The following FMO5 variants were observed in gnomAD, a reference collection of about 807,000 sequenced individuals.
The protein encoded by FMO5 is flavin containing dimethylaniline monoxygenase 5.
In FMO5, 51 loss-of-function variants were observed where a neutral mutation model predicts 43.6. The observed-to-expected ratio is 1.17, with a 90% CI of 0.93 to 1.48. FMO5 has a LOEUF of 1.48. Among genes scored for constraint, FMO5 ranks in the 40% most tolerant of loss-of-function variants. The pLI is 0.00. For missense variants in FMO5, 644 were observed against 643.0 expected (o/e 1.00, Z -0.02); for synonymous variants, 187 against 216.5 (o/e 0.86, Z 1.20).
chr1:147,195,466 T>A (rs1657820085), intron 7 of FMO5, among the ~76,000 whole-genome samples: 1 of 152,072 alleles, frequency 6.6e-6, no homozygotes, highest in African/African-American at 2.4e-5. Flanking sequence ...ATGCCTAAAG[T>A]CCTGTGGAAG....
chr1:147,200,811 A>T (rs1553920713), intron 7 of FMO5, among the ~76,000 whole-genome samples: 1 of 152,192 alleles, frequency 6.6e-6, no homozygotes, highest in African/African-American at 2.4e-5. Flanking sequence ...AGTTGCCTAA[A>T]ATCTAGATGA....
chr1:147,207,909 T>G (rs587647071), intron 6 of FMO5, among the ~76,000 whole-genome samples: 4 of 152,338 alleles, frequency 2.6e-5, no homozygotes, highest in African/African-American at 9.6e-5. Flanking sequence ...CACCACTGCC[T>G]GAGACAGACA....
At chr1:147,198,708 G>A (rs143776287) in intron 7 of FMO5, among the ~76,000 whole-genome samples, 5,610 of 151,962 alleles carry the variant, frequency 0.037, 149 homozygotes, top group South Asian at 0.095. Context: ...AAAACTAGCC[G>A]GGCATGGTGG....
intron 5 of FMO5, 80 bp from the exon 6 acceptor site, chr1:147,209,131 C>A: frequency 1.6e-6 from 2 of 1,278,336 alleles, no homozygotes; most frequent in Admixed American, 2.0e-5. Context: ...CTTCAAGAAT[C>A]ATTTCAGGCC....
At chr1:147,186,232 A>G, downstream of FMO5, 1 of 734,750 alleles carries the variant, frequency 1.4e-6, no homozygotes, top group African/African-American at 1.9e-5. Flanking sequence ...CAGATGGTAG[A>G]TGATCTGAAT....
At chr1:147,209,190 CG>C in intron 5 of FMO5, 139 bp from the exon 6 acceptor site, 6 of 578,260 alleles carry the variant, frequency 1.0e-5, no homozygotes, top group Admixed American at 2.9e-5. Flanking sequence ...GAGGCCAAGG[CG>C]GGCGGATCAC....
intron 2 of FMO5, among the ~76,000 whole-genome samples, chr1:147,220,638 T>C (rs1662842098): frequency 6.6e-6 from 1 of 152,232 alleles, no homozygotes; most frequent in East Asian, 1.9e-4. Flanking sequence ...TCAATAGTGA[T>C]ATTATCTAGG....
chr1:147,226,173 G>A (rs1663973138), upstream of FMO5, among the ~76,000 whole-genome samples: 1 of 151,768 alleles, frequency 6.6e-6, no homozygotes, highest in Non-Finnish European at 1.5e-5. Context: ...AAGGTGGTGG[G>A]AGGAGGGCAG....
Position 147,186,293 on chromosome 1 carries a change from A to G in FMO5, c.*607T>C. On this transcript the variant is annotated 3_prime_UTR_variant, in exon 9 of 9. Transcript: ENST00000254090. ...TAATTTCTTTATTGAGAAAATAAAG[A>G]CATGGTTCCTAAGGAAAAGGGCTAA... 1 of 980,304 alleles carries G rather than the reference A, an allele frequency of 1.0e-6. No individual in the cohort carries two copies. The highest frequency in any genetic ancestry group is 1.2e-6 in the Non-Finnish European group (1 of 825,282). The allele number at this position is 980,304 out of a possible 1,614,324, so 60.7% of individuals were successfully genotyped here.
At chr1:147,196,353 G>C (rs1657997012) in intron 7 of FMO5, among the ~76,000 whole-genome samples, 1 of 151,922 alleles carries the variant, frequency 6.6e-6, no homozygotes, top group African/African-American at 2.4e-5. Flanking sequence ...GGTCTCTTCG[G>C]ATACTCAAAA....
intron 7 of FMO5, among the ~76,000 whole-genome samples, chr1:147,191,524 T>C (rs1252568558): frequency 1.4e-5 from 2 of 145,140 alleles, no homozygotes; most frequent in African/African-American, 4.9e-5. Flanking sequence ...CACTTTTTGA[T>C]GGGGTTGTTT....
intron 2 of FMO5, among the ~76,000 whole-genome samples, chr1:147,218,712 C>T (rs1245684768): frequency 6.6e-6 from 1 of 152,202 alleles, no homozygotes; most frequent in Non-Finnish European, 1.5e-5. Context: ...AATCTTCATC[C>T]AGTGTTGTCC....
chr1:147,199,769 TG>T (rs1267724540), intron 7 of FMO5, among the ~76,000 whole-genome samples: 6 of 152,212 alleles, frequency 3.9e-5, no homozygotes, highest in Non-Finnish European at 5.9e-5. Flanking sequence ...TGGATAGGAC[TG>T]GAAGTAATAG....
rs150291421 is a variant in FMO5, at chr1:147,208,955, A to G, written c.727T>C (p.Phe243Leu). ...DVLFSSRLTH[F>L]IWKICGQSLA... The stretch of plus-strand genomic sequence containing the variant: ...GATTGGCCACAGATCTTCCATATAA[A>G]ATGTGTAAGTCGAGAAGAGAACAAC... Residue 243 changes from phenylalanine (F) to leucine (L), a missense_variant, in exon 6 of 9, where the codon TTT becomes CTT. Transcript: ENST00000254090. 1.2e-6 allele frequency: 2 copies of G among 1,613,926 alleles called. No individual in the cohort carries two copies. The highest frequency in any genetic ancestry group is 3.3e-5 in the Admixed American group (2 of 60,018).
downstream of FMO5, among the ~76,000 whole-genome samples, chr1:147,184,973 A>G (rs782102639): frequency 6.6e-6 from 1 of 150,708 alleles, no homozygotes; most frequent in Non-Finnish European, 1.5e-5. The surrounding 1 kb of genome is among the most constrained non-coding windows in gnomAD (Gnocchi z 4.4). Context: ...TGGCACTACA[A>G]GAATATATAT....
intron 8 of FMO5, among the ~76,000 whole-genome samples, 180 bp downstream of exon 8, chr1:147,189,997 C>A (rs587659670): frequency 6.6e-6 from 1 of 152,214 alleles, no homozygotes; most frequent in African/African-American, 2.4e-5. Flanking sequence ...TTTTCTTACC[C>A]ATATTTAGAC....
At chr1:147,188,661 G>T (rs587717564) in intron 8 of FMO5, among the ~76,000 whole-genome samples, 2 of 151,110 alleles carry the variant, frequency 1.3e-5, no homozygotes, top group African/African-American at 2.4e-5. Context: ...TTTAATAAAG[G>T]TTACATGTAT....
chr1:147,184,600 G>A (rs142231929), downstream of FMO5: 9,888 of 1,547,932 alleles, frequency 6.4e-3, 44 homozygotes, highest in Non-Finnish European at 7.4e-3. The surrounding 1 kb of genome is among the most constrained non-coding windows in gnomAD (Gnocchi z 4.4). Flanking sequence ...TCTTCAACTT[G>A]GGTTTGTCTG....
At chr1:147,210,275 A>C (rs1460191899) in intron 5 of FMO5, 1 of 152,206 alleles carries the variant, frequency 6.6e-6, no homozygotes, top group African/African-American at 2.4e-5. Context: ...TAGTGGAACA[A>C]CAGGAAGCTA....
Sources: gnomAD v4.1 joint callset for allele counts (sites outside exome capture counted in the v4.1 genomes callset) on GRCh38, gnomAD v4.1.1 for gene constraint, Gnocchi (gnomAD v3.1) non-coding constraint, MANE v1.5 for transcripts, NCBI Gene and HGNC (gene_info 2026-07-23, HGNC 2026-07-21) for gene names.